Variants in SYPL2 observed in about 807,000 individuals in gnomAD.
SYPL2 encodes the protein synaptophysin-like protein 2.
A neutral mutation model predicts 31.3 loss-of-function variants in SYPL2; 24 were observed. The observed-to-expected ratio is 0.77, with a 90% CI of 0.56 to 1.08. SYPL2 has a LOEUF of 1.08. Among genes scored for constraint, SYPL2 ranks in the 50% least tolerant of loss-of-function variants. SYPL2 has a pLI of 0.00. For missense variants in SYPL2, 342 were observed against 360.1 expected, an observed-to-expected ratio of 0.95 and a Z score of 0.41; for synonymous variants, 144 against 143.1, an observed-to-expected ratio of 1.01 and a Z score of -0.05.
Position 109,479,582 on chromosome 1 carries a change from A to T in SYPL2, c.*34A>T. 2 of 1,597,144 alleles carry T rather than the reference A, an allele frequency of 1.3e-6. No individual in the cohort carries two copies. Among genetic ancestry groups the T allele is most frequent in the Non-Finnish European group, 1.7e-6 (2 of 1,168,702 alleles). ...CCACCTGGCTATTCCCGAACTGGACAGCACCTCTTCAACCACCTCCGGCTT... is the reference window on the plus strand; with the variant it reads ...CCACCTGGCTATTCCCGAACTGGACTGCACCTCTTCAACCACCTCCGGCTT... On this transcript the variant is annotated 3_prime_UTR_variant, in exon 6 of 6. Coordinates refer to ENST00000369872, the MANE Select transcript of SYPL2 (RefSeq NM_001040709.2).
In SYPL2 at chr1:109,475,596, G is replaced by A. The variant is rs200417619; in HGVS notation, c.145G>A (p.Ala49Thr). 6.3e-5 allele frequency: 101 copies of A among 1,613,712 alleles called. No homozygotes were observed. Among genetic ancestry groups the A allele is most frequent in the Non-Finnish European group, 7.5e-5 (89 of 1,179,846 alleles). Residue 49 changes from alanine to threonine, a missense_variant, in exon 3 of 6, where the codon GCC becomes ACC. Coordinates refer to ENST00000369872, the MANE Select transcript of SYPL2 (RefSeq NM_001040709.2). ...KVLQWLFAIF[A>T]FGSCGSYSGE... ...TCTCTCTCAGCTCTTTGCTATTTTC[G>A]CCTTCGGGTCCTGTGGCTCCTACAG... is the stretch of plus-strand genomic sequence containing the variant.
chr1:109,479,820 T>G lies in SYPL2; in HGVS notation c.*272T>G. 6.5e-6 allele frequency: 3 copies of G among 458,036 alleles called. No homozygotes were observed. Among genetic ancestry groups the G allele is most frequent in the Non-Finnish European group, 1.2e-5 (3 of 257,002 alleles). 28.4% of individuals were successfully genotyped at this position (458,036 alleles called of 1,614,324 possible). On this transcript the variant is annotated 3_prime_UTR_variant, in exon 6 of 6. Coordinates refer to ENST00000369872, the MANE Select transcript of SYPL2 (RefSeq NM_001040709.2). Reference sequence around the variant, plus strand: ...GGTATCTTACTTGGGGTCTTACTTGTACCCTTACAGTCTCTGAGAACCAGC... The same window carrying G: ...GGTATCTTACTTGGGGTCTTACTTGGACCCTTACAGTCTCTGAGAACCAGC...
intron 4 of SYPL2, 84 bp downstream of exon 4, chr1:109,477,061 A>G (rs903760295): frequency 2.0e-6 from 3 of 1,528,878 alleles, no homozygotes; most frequent in Non-Finnish European, 1.8e-6. Flanking sequence ...GCAGAGGACA[A>G]GCATGGCGGC....
intron 3 of SYPL2, among the ~76,000 whole-genome samples, chr1:109,476,005 T>C (rs1020142939): frequency 6.6e-6 from 1 of 152,184 alleles, no homozygotes. Context: ...GATGGAGGCT[T>C]ACAGGAACCT....
At position 109,466,725 on chromosome 1, in the gene SYPL2, T is replaced by C; in HGVS notation, c.-119T>C. On this transcript the variant is annotated 5_prime_UTR_variant, in exon 1 of 6. Coordinates refer to ENST00000369872, the MANE Select transcript of SYPL2 (RefSeq NM_001040709.2). ...CCGGCCCACCGACGGCCGCTCGCGC[T>C]CCGGCCCCGCTCGCCTGCTCTGCCC... The C allele has an allele frequency of 8.7e-7, 1 of 1,147,308 alleles. No individual in the cohort carries two copies. Among genetic ancestry groups the C allele is most frequent in the Non-Finnish European group, 1.1e-6 (1 of 882,786 alleles). 71.1% of individuals were successfully genotyped at this position (1,147,308 alleles called of 1,614,324 possible).
intron 2 of SYPL2, among the ~76,000 whole-genome samples, chr1:109,472,605 C>CTTTT (rs59224604): frequency 1.1e-4 from 8 of 71,072 alleles, no homozygotes; most frequent in African/African-American, 4.3e-4. Flanking sequence ...TTTTTCTTTA[C>CTTTT]TTTTTTTTTT....
At chr1:109,470,136 T>A (rs1571059181) in intron 2 of SYPL2, among the ~76,000 whole-genome samples, 2 of 152,232 alleles carry the variant, frequency 1.3e-5, no homozygotes, top group Admixed American at 1.3e-4. Flanking sequence ...CAAAGGCACA[T>A]GCCACCATGC....
intron 4 of SYPL2, among the ~76,000 whole-genome samples, chr1:109,477,461 G>A (rs1200683852): frequency 1.3e-5 from 2 of 152,168 alleles, no homozygotes; most frequent in Non-Finnish European, 2.9e-5. Flanking sequence ...GCGTCCTGCA[G>A]TCTGCCACTT....
chr1:109,467,208 G>A (rs1655676288), intron 2 of SYPL2, 75 bp downstream of exon 2: 2 of 1,389,648 alleles, frequency 1.4e-6, no homozygotes, highest in Admixed American at 2.2e-5. Context: ...TGGAGCCAGG[G>A]TGGGGGCTGG....
In SYPL2 at chr1:109,466,696, G is replaced by GAC; in HGVS notation, c.-147_-146dup. 1.3e-6 allele frequency: 1 copy of GAC among 778,656 alleles called. No homozygotes were observed. Among genetic ancestry groups the GAC allele is most frequent in the East Asian group, 3.6e-5 (1 of 28,004 alleles). 48.2% of individuals were successfully genotyped at this position (778,656 alleles called of 1,614,324 possible). On this transcript the variant is annotated 5_prime_UTR_variant, in exon 1 of 6. Transcript: ENST00000369872. ...CCCAGCCAGCCAGCCAGCCAGACTG[G>GAC]ACTCCGGCCCACCGACGGCCGCTCG...
chr1:109,475,844 A>G, intron 3 of SYPL2, 139 bp downstream of exon 3: 3 of 1,298,488 alleles, frequency 2.3e-6, no homozygotes, highest in Non-Finnish European at 3.1e-6. Flanking sequence ...CAAAACTTAG[A>G]TCCTTTCTGC....
chr1:109,469,565 A>C (rs200580388), intron 2 of SYPL2, among the ~76,000 whole-genome samples: 1 of 17,498 alleles, frequency 5.7e-5, no homozygotes, highest in East Asian at 0.083. Flanking sequence ...GAAGTATCTT[A>C]AAAAAAATTT....
chr1:109,475,798 A>T, intron 3 of SYPL2, 93 bp downstream of exon 3: 1 of 1,510,104 alleles, frequency 6.6e-7, no homozygotes, highest in South Asian at 1.3e-5. Context: ...CCTAAAAACC[A>T]TTCATTGCGT....
chr1:109,475,546 C>G, intron 2 of SYPL2, 35 bp from the exon 3 acceptor site: 3 of 1,605,706 alleles, frequency 1.9e-6, no homozygotes, highest in Non-Finnish European at 2.6e-6. Flanking sequence ...CAGTTGAGGC[C>G]TTCTGACTCT....
intron 2 of SYPL2, among the ~76,000 whole-genome samples, chr1:109,474,727 G>A (rs1308631637): frequency 1.3e-5 from 2 of 152,176 alleles, no homozygotes; most frequent in Non-Finnish European, 2.9e-5. Flanking sequence ...ACTTGAGAGA[G>A]AAGGTGTAGT....
At chr1:109,477,032 G>T in intron 4 of SYPL2, 55 bp downstream of exon 4, 1 of 1,603,682 alleles carries the variant, frequency 6.2e-7, no homozygotes, top group East Asian at 2.2e-5. Context: ...TTTGTGAGGG[G>T]GTTGAGGTCA....
At chr1:109,468,000 T>C (rs1292277433) in intron 2 of SYPL2, among the ~76,000 whole-genome samples, 1 of 152,198 alleles carries the variant, frequency 6.6e-6, no homozygotes, top group Non-Finnish European at 1.5e-5. Flanking sequence ...CTTTGTGACC[T>C]TGAAAAAGTC....
At chr1:109,467,780 G>C (rs962933003) in intron 2 of SYPL2, among the ~76,000 whole-genome samples, 13 of 152,208 alleles carry the variant, frequency 8.5e-5, no homozygotes, top group Non-Finnish European at 1.8e-4. Flanking sequence ...CTAAAATGTG[G>C]CATGTAGAAT....
chr1:109,477,066 G>A, intron 4 of SYPL2, 89 bp downstream of exon 4: 1 of 1,503,944 alleles, frequency 6.6e-7, no homozygotes, highest in East Asian at 2.3e-5. Context: ...GGACAAGCAT[G>A]GCGGCTTCCA....
Sources: allele counts gnomAD v4.1 joint callset (sites outside exome capture counted in the v4.1 genomes callset), GRCh38; gene constraint gnomAD v4.1.1; transcripts MANE v1.5; gene names NCBI Gene and HGNC (gene_info 2026-07-23, HGNC 2026-07-21).